The following LRP2 variants were observed in gnomAD, a reference collection of about 807,000 sequenced individuals.
LRP2 encodes the protein LDL receptor related protein 2, also known as low-density lipoprotein receptor-related protein 2.
A neutral mutation model predicts 531.0 loss-of-function variants in LRP2; 172 were observed. The observed-to-expected ratio is 0.32, with a 90% CI of 0.29 to 0.37. The LOEUF is 0.37. Ranked by LOEUF, LRP2 falls within the 10% of genes least tolerant of loss-of-function variation. LRP2 has a pLI of 1.00. For synonymous variants in LRP2, 1,992 were observed against 2,027.6 expected, an observed-to-expected ratio of 0.98 and a Z score of 0.47; for missense variants, 5,167 against 5,868.3, an observed-to-expected ratio of 0.88 and a Z score of 3.90.
At chr2:169,150,589 G>T (rs1686082276) in intron 68 of LRP2, among the ~76,000 whole-genome samples, 2 of 152,156 alleles carry the variant, frequency 1.3e-5, no homozygotes, top group African/African-American at 4.8e-5. Flanking sequence ...AAACAATTCT[G>T]TTGAAACCTT....
chr2:169,294,853 C>G, intron 4 of LRP2, 143 bp from the exon 5 acceptor site: 1 of 638,250 alleles, frequency 1.6e-6, no homozygotes, highest in South Asian at 1.9e-5. Context: ...AGTATGCTCC[C>G]TGGCTTCATG....
At chr2:169,356,230 A>T (rs1319582536) in intron 1 of LRP2, among the ~76,000 whole-genome samples, 1 of 152,144 alleles carries the variant, frequency 6.6e-6, no homozygotes, top group Non-Finnish European at 1.5e-5. Context: ...TTTTTGCCTC[A>T]GACAGTTTAA....
At chr2:169,231,912 C>T in intron 30 of LRP2, 70 bp from the exon 31 acceptor site, 1 of 1,576,034 alleles carries the variant, frequency 6.3e-7, no homozygotes, top group Non-Finnish European at 8.7e-7. Flanking sequence ...CAGAGTCATG[C>T]TCTTAGTGTC....
At chr2:169,191,583 ACTT>A (rs1351501622) in intron 48 of LRP2, among the ~76,000 whole-genome samples, 7 of 151,934 alleles carry the variant, frequency 4.6e-5, no homozygotes, top group African/African-American at 7.2e-5. Flanking sequence ...AATTCAAGTA[ACTT>A]CTTTTCATTT....
chr2:169,154,219 G>A (rs1200509811), intron 66 of LRP2, among the ~76,000 whole-genome samples: 8 of 152,184 alleles, frequency 5.3e-5, no homozygotes, highest in African/African-American at 1.9e-4. Flanking sequence ...ACAAGAAGAT[G>A]TGAGATGGTC....
At chr2:169,287,852 T>TTAA (rs142330843) in intron 9 of LRP2, among the ~76,000 whole-genome samples, 2 of 90,410 alleles carry the variant, frequency 2.2e-5, no homozygotes, top group East Asian at 5.0e-4. Flanking sequence ...TTTTAATATT[T>TTAA]TAATATTAAA....
chr2:169,330,699 C>G (rs1685241168), intron 1 of LRP2, among the ~76,000 whole-genome samples: 1 of 152,146 alleles, frequency 6.6e-6, no homozygotes, highest in Admixed American at 6.5e-5. Context: ...ACCAGTAGTG[C>G]TCCCCCACAT....
chr2:169,289,383 T>G (rs1683942424), intron 8 of LRP2, among the ~76,000 whole-genome samples: 1 of 151,924 alleles, frequency 6.6e-6, no homozygotes, highest in South Asian at 2.1e-4. Context: ...CACCTCATAT[T>G]CACAAAAAAT....
intron 9 of LRP2, 94 bp downstream of exon 9, chr2:169,288,932 T>A: frequency 1.3e-6 from 2 of 1,588,304 alleles, no homozygotes; most frequent in Non-Finnish European, 1.7e-6. Flanking sequence ...CCATGACGAC[T>A]CTCCACAAGT....
intron 8 of LRP2, 150 bp downstream of exon 8, chr2:169,290,695 G>T: frequency 1.2e-6 from 1 of 824,028 alleles, no homozygotes; most frequent in Non-Finnish European, 2.0e-6. Context: ...ACAGAACTGT[G>T]AGAAATAAGA....
chr2:169,241,357 G>A lies in LRP2; in HGVS notation c.3676C>T (p.Pro1226Ser). The A allele has an allele frequency of 6.2e-7, 1 of 1,614,092 alleles. No homozygotes were observed. Among genetic ancestry groups the A allele is most frequent in the South Asian group, 1.1e-5 (1 of 91,078 alleles). ...NSDEAGCPTR[P>S]PGMCHSDEFQ... ...TCATCTGAGTGGCACATACCAGGAG[G>A]CCTGGTTGCTAGAAGGAAAACATGG... The change falls in exon 25 of 79, where the codon CCT becomes TCT. Residue 1226 changes from proline to serine, a missense_variant. By Grantham distance (74) the Pro-to-Ser change is moderately conservative. This residue lies in a region of LRP2 where 2,811 missense variants were observed against 3,058.0 expected (regional missense o/e 0.92). Transcript: ENST00000649046.
chr2:169,193,750 G>A lies in LRP2; in HGVS notation c.8830+11C>T, dbSNP rs1191246388. The A allele has an allele frequency of 1.2e-6, 2 of 1,614,102 alleles. No homozygotes were observed. The highest frequency in any genetic ancestry group is 4.5e-5 in the East Asian group (2 of 44,886). On this transcript the variant is annotated intron_variant, in intron 47 of 78. Coordinates refer to ENST00000649046, the MANE Select transcript of LRP2 (RefSeq NM_004525.3). ...TGTGACTCTGCAGAGGAATTAATTG[G>A]CTTCACTTACGACACTGGTGCCTTT...
chr2:169,155,156 C>T (rs534394411), intron 65 of LRP2, among the ~76,000 whole-genome samples: 2 of 152,274 alleles, frequency 1.3e-5, no homozygotes, highest in South Asian at 4.1e-4. Flanking sequence ...AAAGCAGCTA[C>T]TTAATGGTGA....
intron 16 of LRP2, among the ~76,000 whole-genome samples, chr2:169,260,518 C>T (rs2105414449): frequency 6.6e-6 from 1 of 152,086 alleles, no homozygotes; most frequent in South Asian, 2.1e-4. Flanking sequence ...ATGAAGCATC[C>T]ACTTAGACAT....
chr2:169,287,359 T>C (rs979958803), intron 9 of LRP2, among the ~76,000 whole-genome samples: 3 of 152,212 alleles, frequency 2.0e-5, no homozygotes, highest in Admixed American at 6.5e-5. Flanking sequence ...TTGTTGAATA[T>C]AGTTACTTAA....
chr2:169,137,509 GA>G lies in LRP2; in HGVS notation c.13519-17del. 7.2e-7 allele frequency: 1 copy of G among 1,396,322 alleles called. No individual in the cohort carries two copies. Among genetic ancestry groups the G allele is most frequent in the Non-Finnish European group, 1.0e-6 (1 of 984,354 alleles). 86.5% of individuals were successfully genotyped at this position (1,396,322 alleles called of 1,614,324 possible). On this transcript the variant is annotated splice_polypyrimidine_tract_variant and intron_variant, in intron 75 of 78. Transcript: ENST00000649046. ...AGTCTTCACTCTGATGGCAGAGACAGAAAGAGAGAGAGAGAGAGAGAGAGAA... is the reference window on the plus strand; with the variant it reads ...AGTCTTCACTCTGATGGCAGAGACAGAAGAGAGAGAGAGAGAGAGAGAGAA...
chr2:169,293,861 A>T (rs535340170), intron 6 of LRP2, among the ~76,000 whole-genome samples: 1 of 152,104 alleles, frequency 6.6e-6, no homozygotes, highest in Non-Finnish European at 1.5e-5. Flanking sequence ...GATACAATAT[A>T]TCCTGTACCC....
At chr2:169,222,034 G>T (rs1485651342) in intron 33 of LRP2, among the ~76,000 whole-genome samples, 1 of 152,100 alleles carries the variant, frequency 6.6e-6, no homozygotes, top group Non-Finnish European at 1.5e-5. Context: ...TTTCAAGTTG[G>T]AGTTAAACAC....
In LRP2 at chr2:169,272,947, G is replaced by C. The variant is rs768121775; in HGVS notation, c.2096C>G (p.Thr699Arg). The C allele has an allele frequency of 1.9e-6, 3 of 1,613,610 alleles. No homozygotes were observed. The highest frequency in any genetic ancestry group is 2.7e-5 in the African/African-American group (2 of 74,884). Residue 699 changes from threonine (T) to arginine (R), a missense_variant, in exon 15 of 79, where the codon ACA becomes AGA. Coordinates refer to ENST00000649046, the MANE Select transcript of LRP2 (RefSeq NM_004525.3). ...CKCTFGFQLD[T>R]DERHCIAVQN... is the part of the protein sequence containing the mutation. ...CTTACCAATGCAGTGGCGCTCATCT[G>C]TATCCAGTTGGAAGCCGAATGTGCA...
Sources: gnomAD v4.1 joint callset for allele counts (sites outside exome capture counted in the v4.1 genomes callset) on GRCh38, gnomAD v4.1.1 for gene constraint, gnomAD v4.1.1 regional missense constraint, MANE v1.5 for transcripts, NCBI Gene and HGNC (gene_info 2026-07-23, HGNC 2026-07-21) for gene names.